The following BIRC6 variants were observed in gnomAD, a reference collection of about 807,000 sequenced individuals.
BIRC6 encodes baculoviral IAP repeat containing 6, also known as dual E2 ubiquitin-conjugating enzyme/E3 ubiquitin-protein ligase BIRC6.
A neutral mutation model predicts 503.3 loss-of-function variants in BIRC6; 98 were observed. The ratio of observed to expected loss-of-function variants is 0.19; its 90% confidence interval spans 0.17 to 0.23. BIRC6 has a LOEUF of 0.23. BIRC6 is among the 10% of genes least tolerant of loss of function. The pLI, the probability that BIRC6 is intolerant of heterozygous loss-of-function variation, is 1.00. For missense variants in BIRC6, 5,360 were observed against 5,806.0 expected (o/e 0.92, Z 2.50); for synonymous variants, 2,240 against 2,078.7 (o/e 1.08, Z -2.11).
At chr2:32,561,391 C>G (rs2059175031) in intron 65 of BIRC6, among the ~76,000 whole-genome samples, 1 of 151,876 alleles carries the variant, frequency 6.6e-6, no homozygotes, top group South Asian at 2.1e-4. Context: ...ACAGGCGTGT[C>G]AGCACGCCTG....
At position 32,439,705 on chromosome 2, in the gene BIRC6, G is replaced by T; in HGVS notation, c.3810+19G>T. On this transcript the variant is annotated intron_variant, in intron 16 of 73. Coordinates refer to ENST00000421745, the MANE Select transcript of BIRC6 (RefSeq NM_016252.4). ...AGGCAAGGTATGAAACTGTCATTTTGAACAATAACAATACAGTTTTAAACA... is the reference window on the plus strand; with the variant it reads ...AGGCAAGGTATGAAACTGTCATTTTTAACAATAACAATACAGTTTTAAACA... The T allele has an allele frequency of 6.2e-7, 1 of 1,602,870 alleles. No individual in the cohort carries two copies. Among genetic ancestry groups the T allele is most frequent in the South Asian group, 1.1e-5 (1 of 90,424 alleles).
chr2:32,385,999 T>C (rs1002814949), intron 3 of BIRC6, among the ~76,000 whole-genome samples: 5 of 152,192 alleles, frequency 3.3e-5, no homozygotes, highest in African/African-American at 1.2e-4. Context: ...GGGACTCTTA[T>C]TCTCTGGTTT....
intron 53 of BIRC6, among the ~76,000 whole-genome samples, chr2:32,511,476 ATTTTTTTTTTTT>A (rs1166383796): frequency 0.059 from 4,702 of 80,274 alleles, 289 homozygotes; most frequent in African/African-American, 0.19. Flanking sequence ...TAACTGACTA[ATTTTTTTTTTTT>A]TTTTTTTTTT....
chr2:32,457,363 A>G (rs2047370551), intron 23 of BIRC6, among the ~76,000 whole-genome samples: 2 of 152,012 alleles, frequency 1.3e-5, no homozygotes, highest in Non-Finnish European at 2.9e-5. Context: ...TATATGTACT[A>G]TTCTATTTCT....
chr2:32,545,243 G>A (rs564223613), intron 62 of BIRC6, among the ~76,000 whole-genome samples: 1 of 152,106 alleles, frequency 6.6e-6, no homozygotes, highest in Non-Finnish European at 1.5e-5. Flanking sequence ...GAAAAAAATA[G>A]TTTTACTTGT....
intron 66 of BIRC6, among the ~76,000 whole-genome samples, chr2:32,579,987 T>C (rs2060558507): frequency 6.9e-6 from 1 of 145,252 alleles, no homozygotes. Flanking sequence ...AGAGTCTCGC[T>C]CTCTCGGCCA....
At chr2:32,505,226 A>G in intron 50 of BIRC6, 21 bp downstream of exon 50, 1 of 1,511,766 alleles carries the variant, frequency 6.6e-7, no homozygotes, top group Non-Finnish European at 9.0e-7. Flanking sequence ...TTTTATAAAG[A>G]AGCATCATGA....
chr2:32,415,745 G>A lies in BIRC6; in HGVS notation c.2454G>A (p.Arg818=), dbSNP rs1364260617. ...CTTTAATAATTCAGCCTGAGCAGAG[G>A]AATGTTAGTGGTGGATATTTAGTGC... ...QTPLIIQPEQ[R]NVSGGYLVLY... Residue 818 remains arginine (R), a synonymous_variant, in exon 10 of 74, where the codon AGG becomes AGA. Coordinates refer to ENST00000421745, the MANE Select transcript of BIRC6 (RefSeq NM_016252.4). 6.2e-7 allele frequency: 1 copy of A among 1,613,618 alleles called. No individual in the cohort carries two copies. Among genetic ancestry groups the A allele is most frequent in the Non-Finnish European group, 8.5e-7 (1 of 1,179,826 alleles).
intron 10 of BIRC6, among the ~76,000 whole-genome samples, chr2:32,427,303 A>G (rs560580576): frequency 6.6e-6 from 1 of 150,666 alleles, no homozygotes; most frequent in East Asian, 1.9e-4. Context: ...TTTTTTTGAG[A>G]CAAAGTCTTG....
intron 5 of BIRC6, among the ~76,000 whole-genome samples, 165 bp downstream of exon 5, chr2:32,392,315 A>G (rs1216675398): frequency 6.6e-6 from 1 of 152,114 alleles, no homozygotes; most frequent in Non-Finnish European, 1.5e-5. Context: ...GTGCAGCGCC[A>G]CAATGTTGGC....
intron 66 of BIRC6, among the ~76,000 whole-genome samples, chr2:32,589,182 C>G (rs1418695362): frequency 1.3e-5 from 2 of 152,074 alleles, no homozygotes; most frequent in African/African-American, 2.4e-5. Flanking sequence ...TATTTGCTGC[C>G]AGGGCATGAC....
chr2:32,407,445 C>CAAAAA (rs760585710), intron 9 of BIRC6, among the ~76,000 whole-genome samples: 5 of 69,794 alleles, frequency 7.2e-5, no homozygotes, highest in African/African-American at 1.6e-4. Flanking sequence ...AACTCTGTCT[C>CAAAAA]AAAAAAAAAA....
At chr2:32,368,215 A>G (rs1171846514) in intron 1 of BIRC6, among the ~76,000 whole-genome samples, 1 of 151,784 alleles carries the variant, frequency 6.6e-6, no homozygotes, top group Non-Finnish European at 1.5e-5. Flanking sequence ...GAAGTGTGCC[A>G]GCTGGTTCTA....
intron 22 of BIRC6, among the ~76,000 whole-genome samples, chr2:32,450,723 C>T (rs1482471893): frequency 6.6e-6 from 1 of 152,124 alleles, no homozygotes; most frequent in East Asian, 1.9e-4. Context: ...TCGCAGACAA[C>T]AAAATCTGTA....
chr2:32,388,022 A>G (rs188576869), intron 3 of BIRC6, among the ~76,000 whole-genome samples: 6 of 152,330 alleles, frequency 3.9e-5, no homozygotes, highest in African/African-American at 1.4e-4. Flanking sequence ...TAACATATCT[A>G]TCAACTCACC....
intron 1 of BIRC6, among the ~76,000 whole-genome samples, chr2:32,373,000 T>C (rs2036200102): frequency 6.6e-6 from 1 of 152,236 alleles, no homozygotes; most frequent in Non-Finnish European, 1.5e-5. Flanking sequence ...GGTAAGTTTG[T>C]GTTTAACTTT....
chr2:32,569,651 C>G (rs947231295), intron 65 of BIRC6, among the ~76,000 whole-genome samples: 1 of 148,726 alleles, frequency 6.7e-6, no homozygotes, highest in Admixed American at 6.7e-5. Context: ...TGATTTCAGG[C>G]ATGAGCCACC....
At chr2:32,489,922 A>T in intron 42 of BIRC6, 119 bp from the exon 43 acceptor site, 3 of 659,368 alleles carry the variant, frequency 4.5e-6, no homozygotes, top group Non-Finnish European at 8.1e-6. Context: ...TTTTGAAGAC[A>T]CTGGTTAAGG....
intron 37 of BIRC6, among the ~76,000 whole-genome samples, chr2:32,480,970 G>C (rs992894807): frequency 6.6e-6 from 1 of 151,872 alleles, no homozygotes; most frequent in Non-Finnish European, 1.5e-5. Flanking sequence ...CTTCAGTCCT[G>C]TTTGCTTTTC....
Sources: gnomAD v4.1 joint callset for allele counts (sites outside exome capture counted in the v4.1 genomes callset) on GRCh38, gnomAD v4.1.1 for gene constraint, MANE v1.5 for transcripts, NCBI Gene and HGNC (gene_info 2026-07-23, HGNC 2026-07-21) for gene names.